Variants in RPS6KC1 observed in about 807,000 individuals in gnomAD.
The protein encoded by RPS6KC1 is inactive ribosomal protein S6 kinase delta-1.
A neutral mutation model predicts 103.8 loss-of-function variants in RPS6KC1; 54 were observed. The ratio of observed to expected loss-of-function variants is 0.52; its 90% confidence interval spans 0.42 to 0.65. The LOEUF (loss-of-function observed/expected upper bound fraction) is 0.65. Among genes scored for constraint, RPS6KC1 ranks in the 30% least tolerant of loss-of-function variants. The probability of loss-of-function intolerance (pLI) is 0.00; values close to 1 mark genes in which losing one functional copy is unlikely to be tolerated. For missense variants in RPS6KC1, 1,151 were observed against 1,253.8 expected, an observed-to-expected ratio of 0.92 and a Z score of 1.24; for synonymous variants, 439 against 438.7, an observed-to-expected ratio of 1.00 and a Z score of -0.01.
chr1:213,628,919 C>A, the RPS6KC1 span, among the ~76,000 whole-genome samples: 1 of 152,138 alleles, frequency 6.6e-6, no homozygotes, highest in Non-Finnish European at 1.5e-5. Context: ...ACCCTGAGTT[C>A]TGGTTTGATT....
chr1:213,115,898 T>G (rs2083543700), intron 4 of RPS6KC1, among the ~76,000 whole-genome samples: 1 of 152,240 alleles, frequency 6.6e-6, no homozygotes, highest in African/African-American at 2.4e-5. Context: ...TCTAGTTTGA[T>G]TGCACTGTGG....
the RPS6KC1 span, among the ~76,000 whole-genome samples, chr1:213,701,595 T>C: frequency 1.3e-5 from 2 of 152,034 alleles, no homozygotes; most frequent in Admixed American, 6.6e-5. Context: ...TCATTACTTG[T>C]TGTTGGTTTG....
At chr1:213,848,196 G>A in the RPS6KC1 span, among the ~76,000 whole-genome samples, 1 of 151,988 alleles carries the variant, frequency 6.6e-6, no homozygotes, top group African/African-American at 2.4e-5. Flanking sequence ...ACAATTCAAT[G>A]GGTTTTGAGA....
the RPS6KC1 span, among the ~76,000 whole-genome samples, chr1:213,428,472 CCCTCCCTCCCTTCCTT>C: frequency 5.9e-5 from 2 of 34,156 alleles, no homozygotes; most frequent in African/African-American, 2.6e-4. Context: ...TTTCCTCCCT[CCCTCCCTCCCTTCCTT>C]CCTTCCTTCC....
At chr1:213,326,110 C>CA in the RPS6KC1 span, among the ~76,000 whole-genome samples, 1 of 151,248 alleles carries the variant, frequency 6.6e-6, no homozygotes, top group South Asian at 2.1e-4. Context: ...GAGCGGGAGG[C>CA]AGAGGGGGAA....
the RPS6KC1 span, among the ~76,000 whole-genome samples, chr1:213,687,156 ACCT>A: frequency 1.4e-4 from 21 of 152,104 alleles, no homozygotes; most frequent in African/African-American, 4.8e-4. Context: ...TCTTGTGCCA[ACCT>A]CCTATTTTAT....
chr1:213,248,576 G>A (rs2094493877), intron 12 of RPS6KC1, among the ~76,000 whole-genome samples: 1 of 152,074 alleles, frequency 6.6e-6, no homozygotes, highest in Non-Finnish European at 1.5e-5. Flanking sequence ...TAGAGTACAA[G>A]CAAAAAAGGC....
chr1:213,096,063 A>G (rs1288219383), intron 3 of RPS6KC1, among the ~76,000 whole-genome samples: 1 of 152,222 alleles, frequency 6.6e-6, no homozygotes, highest in Non-Finnish European at 1.5e-5. Flanking sequence ...CTTCTTTCAG[A>G]ATTGGAGTCA....
At chr1:213,496,591 C>G in the RPS6KC1 span, among the ~76,000 whole-genome samples, 1 of 152,094 alleles carries the variant, frequency 6.6e-6, no homozygotes, top group Non-Finnish European at 1.5e-5. Context: ...AACCCCGTCT[C>G]TACTAAAAAT....
the RPS6KC1 span, among the ~76,000 whole-genome samples, chr1:213,797,326 A>G: frequency 1.3e-5 from 2 of 152,210 alleles, no homozygotes; most frequent in Non-Finnish European, 2.9e-5. Context: ...TACATTAACT[A>G]AAAGAAGAAG....
At chr1:213,212,264 A>C (rs945852667) in intron 8 of RPS6KC1, among the ~76,000 whole-genome samples, 1 of 151,902 alleles carries the variant, frequency 6.6e-6, no homozygotes, top group South Asian at 2.1e-4. Flanking sequence ...GTAACCACTG[A>C]TCTTTTTTTT....
At chr1:213,453,395 C>T in the RPS6KC1 span, among the ~76,000 whole-genome samples, 1 of 151,948 alleles carries the variant, frequency 6.6e-6, no homozygotes, top group Admixed American at 6.6e-5. Flanking sequence ...TCCAGGATCA[C>T]CTTGTGGGGC....
the RPS6KC1 span, among the ~76,000 whole-genome samples, chr1:213,677,969 G>A: frequency 2.0e-5 from 3 of 151,418 alleles, no homozygotes; most frequent in African/African-American, 7.3e-5. Flanking sequence ...TTATGCCACT[G>A]CACTCCAGCC....
intron 4 of RPS6KC1, among the ~76,000 whole-genome samples, chr1:213,113,756 C>T (rs1276991960): frequency 1.3e-5 from 2 of 152,006 alleles, no homozygotes; most frequent in East Asian, 3.9e-4. Flanking sequence ...AGGAAGGGAT[C>T]CAGTTTCAGC....
the RPS6KC1 span, among the ~76,000 whole-genome samples, chr1:213,629,156 T>C: frequency 6.6e-6 from 1 of 152,204 alleles, no homozygotes; most frequent in Non-Finnish European, 1.5e-5. Flanking sequence ...TTCTGTCTCA[T>C]TGATCTGTCT....
chr1:213,272,316 A>C (rs2095064469), intron 14 of RPS6KC1, among the ~76,000 whole-genome samples: 1 of 152,244 alleles, frequency 6.6e-6, no homozygotes, highest in South Asian at 2.1e-4. Flanking sequence ...TCAGTTGAAA[A>C]GCCATAAACT....
the RPS6KC1 span, among the ~76,000 whole-genome samples, chr1:213,609,075 G>C: frequency 6.6e-6 from 1 of 152,150 alleles, no homozygotes; most frequent in Non-Finnish European, 1.5e-5. Context: ...AATTGAAATG[G>C]AGGAGGAGAA....
At chr1:213,198,295 A>G (rs1020996359) in intron 8 of RPS6KC1, among the ~76,000 whole-genome samples, 1 of 152,210 alleles carries the variant, frequency 6.6e-6, no homozygotes, top group African/African-American at 2.4e-5. Flanking sequence ...CCTTCTGGCT[A>G]ATAGAATTTC....
chr1:213,447,660 G>T, the RPS6KC1 span, among the ~76,000 whole-genome samples: 3 of 152,072 alleles, frequency 2.0e-5, no homozygotes, highest in Admixed American at 6.5e-5. Flanking sequence ...ATTTCTCAAA[G>T]AATTGCATCC....
Sources: gnomAD v4.1 joint callset for allele counts (sites outside exome capture counted in the v4.1 genomes callset) on GRCh38, gnomAD v4.1.1 for gene constraint, MANE v1.5 for transcripts, NCBI Gene and HGNC (gene_info 2026-07-23, HGNC 2026-07-21) for gene names.